Variants in TCF20 observed in about 807,000 individuals in gnomAD.
The protein encoded by TCF20 is transcription factor 20.
Under a neutral mutation model 148.6 loss-of-function variants are expected in TCF20, and 3 were observed. That is an observed-to-expected ratio of 0.02 (90% CI 0.01 to 0.05). The LOEUF is 0.05. TCF20 is among the 10% of genes least tolerant of loss of function. TCF20 has a pLI of 1.00. For missense variants in TCF20, 2,350 were observed against 2,429.3 expected, an observed-to-expected ratio of 0.97 and a Z score of 0.69; for synonymous variants, 1,049 against 909.5, an observed-to-expected ratio of 1.15 and a Z score of -2.76.
At chr22:42,266,369 A>AT (rs1926287531) in intron 1 of TCF20, among the ~76,000 whole-genome samples, 2 of 152,210 alleles carry the variant, frequency 1.3e-5, no homozygotes, top group Admixed American at 1.3e-4. Flanking sequence ...AAATGCCAGC[A>AT]TTTTTTCCTG....
rs531933869 is a variant in TCF20, at chr22:42,221,570, C to T, written c.-36-6229G>A. Among the ~76,000 whole-genome samples the T allele has an allele frequency of 3.3e-5, 5 of 152,124 alleles. 1 individual carries two copies. Among genetic ancestry groups the T allele is most frequent in the Admixed American group, 3.3e-4 (5 of 15,278 alleles). On this transcript the variant is annotated intron_variant, in intron 1 of 5. Coordinates refer to ENST00000677622, the MANE Select transcript of TCF20 (RefSeq NM_001378418.1). ...ACAGGGACTAAAAATCCTCCCTCAA[C>T]AAAACACTTAGAAATGTCAGACAAA...
chr22:42,291,060 C>T (rs1291255234), intron 1 of TCF20, among the ~76,000 whole-genome samples: 2 of 152,200 alleles, frequency 1.3e-5, no homozygotes, highest in Non-Finnish European at 2.9e-5. Flanking sequence ...CTAGGGTCCT[C>T]TCCTCTGGAC....
At chr22:42,222,129 C>CACTT (rs1335719679) in intron 1 of TCF20, among the ~76,000 whole-genome samples, 1 of 152,178 alleles carries the variant, frequency 6.6e-6, no homozygotes, top group Non-Finnish European at 1.5e-5. Flanking sequence ...TGGACAGTGT[C>CACTT]ACTTGTGACT....
At position 42,162,363 on chromosome 22, in the gene TCF20, G is replaced by A. The variant is rs1478708028; in HGVS notation, c.*45-1005C>T. On this transcript the variant is annotated intron_variant, in intron 5 of 5. Transcript: ENST00000677622. Reference sequence around the variant, plus strand: ...GGTTTTCTGAGGCTCAGACAGAGCTGGACTATGTTAATCCTTTCGACCTCT... The same window carrying A: ...GGTTTTCTGAGGCTCAGACAGAGCTAGACTATGTTAATCCTTTCGACCTCT... Among the ~76,000 whole-genome samples, 7 of 152,016 alleles carry A rather than the reference G, an allele frequency of 4.6e-5. No homozygotes were observed. The South Asian group carries it at 1.2e-3, about 27-fold the overall frequency.
At chr22:42,262,197 C>T (rs562026738) in intron 1 of TCF20, among the ~76,000 whole-genome samples, 27 of 152,216 alleles carry the variant, frequency 1.8e-4, no homozygotes, top group Admixed American at 1.2e-3. Flanking sequence ...CAGACACATA[C>T]GACTCTTGGC....
chr22:42,191,890 G>A (rs1442617872), intron 2 of TCF20, among the ~76,000 whole-genome samples: 2 of 152,232 alleles, frequency 1.3e-5, no homozygotes, highest in Non-Finnish European at 1.5e-5. Flanking sequence ...GCAGCCCTGT[G>A]ATGAAGAAAG....
At chr22:42,280,561 G>T (rs1344654382) in intron 1 of TCF20, among the ~76,000 whole-genome samples, 1 of 152,220 alleles carries the variant, frequency 6.6e-6, no homozygotes, top group Admixed American at 6.5e-5. Flanking sequence ...GTGGCTCAGG[G>T]TGGGGAGAGA....
At chr22:42,168,793 C>A in intron 4 of TCF20, 57 bp from the exon 5 acceptor site, 1 of 1,526,032 alleles carries the variant, frequency 6.6e-7, no homozygotes. Flanking sequence ...GTGCAGAAAT[C>A]AGGGAGGGCA....
At chr22:42,286,745 G>A (rs2147022438), upstream of TCF20, among the ~76,000 whole-genome samples, 2 of 152,312 alleles carry the variant, frequency 1.3e-5, 1 homozygote, top group African/African-American at 4.8e-5. Context: ...CTCCTTTGAA[G>A]CAGGGTAACA....
rs1242996958 is a variant in TCF20, at chr22:42,297,138, G to T, written c.-37+46341C>A. Among the ~76,000 whole-genome samples the T allele has an allele frequency of 2.0e-5, 3 of 152,204 alleles. No homozygotes were observed. The highest frequency in any genetic ancestry group is 4.4e-5 in the Non-Finnish European group (3 of 68,030). On this transcript the variant is annotated intron_variant, in intron 1 of 1. Transcript: ENST00000515426. The surrounding 1 kb of genome is among the most constrained non-coding windows in gnomAD (Gnocchi z 4.3). ...CCCCTATGCACTACTGGTTCAGGCA[G>T]GCCTCAGTGCCCATACCCACAATGG...
chr22:42,290,538 C>T lies in TCF20; in HGVS notation c.-37+52941G>A, dbSNP rs929631547. 2.6e-5 allele frequency among the ~76,000 whole-genome samples: 4 copies of T among 152,104 alleles called. No homozygotes were observed. Among genetic ancestry groups the T allele is most frequent in the African/African-American group, 9.7e-5 (4 of 41,410 alleles). On this transcript the variant is annotated intron_variant, in intron 1 of 1. Transcript: ENST00000515426. This position sits in a 1 kb window ranked among gnomAD's most constrained non-coding sequence, Gnocchi z 4.2. ...GCTCCTGACCTTTGCTTAGCACAGG[C>T]AGGGGACCCTCTCCCCACAGTGTGG...
chr22:42,319,820 C>G (rs1927699883), intron 1 of TCF20, among the ~76,000 whole-genome samples: 1 of 152,156 alleles, frequency 6.6e-6, no homozygotes, highest in African/African-American at 2.4e-5. Context: ...GCTAGGAGTC[C>G]TGGGTTTCCC....
chr22:42,206,667 G>A (rs1938408941), intron 2 of TCF20, among the ~76,000 whole-genome samples: 1 of 152,130 alleles, frequency 6.6e-6, no homozygotes, highest in Admixed American at 6.5e-5. Context: ...GTTAATAATG[G>A]AGACAGGGAA....
At position 42,214,441 on chromosome 22, in the gene TCF20, T is replaced by C. The variant is rs766760980; in HGVS notation, c.865A>G (p.Asn289Asp). The part of the protein sequence containing the change: ...SNAQAYGTQS[N>D]YSYQPQSMKN... ...ATAGATTGAGGCTGATAGCTGTAATTGGATTGTGTTCCATAAGCCTGTGCA... is the reference window on the plus strand; with the variant it reads ...ATAGATTGAGGCTGATAGCTGTAATCGGATTGTGTTCCATAAGCCTGTGCA... Residue 289 changes from asparagine (N) to aspartate (D), a missense_variant, in exon 2 of 6, where the codon AAT becomes GAT. Physicochemically the swap from Asn to Asp is conservative, Grantham distance 23 (BLOSUM62 1). This residue lies in a region of TCF20 where 1,641 missense variants were observed against 1,662.6 expected (regional missense o/e 0.99). Transcript: ENST00000677622. 6.2e-7 allele frequency: 1 copy of C among 1,614,094 alleles called. No individual in the cohort carries two copies. Among genetic ancestry groups the C allele is most frequent in the Non-Finnish European group, 8.5e-7 (1 of 1,180,018 alleles).
rs139144545 is a variant in TCF20, at chr22:42,212,018, C to G, written c.3288G>C (p.Glu1096Asp). 6.2e-7 allele frequency: 1 copy of G among 1,614,202 alleles called. No homozygotes were observed. The highest frequency in any genetic ancestry group is 2.2e-5 in the East Asian group (1 of 44,886). The change falls in exon 2 of 6, where the codon GAG becomes GAC. Residue 1096 changes from glutamate (E) to aspartate (D), a missense_variant. Physicochemically the swap from Glu to Asp is conservative, Grantham distance 45. Coordinates refer to ENST00000677622, the MANE Select transcript of TCF20 (RefSeq NM_001378418.1). The part of the protein sequence containing the change: ...KRQMYQQQPE[E>D]YKDWSSGSAQ... ...CAGAACCGCTGCTCCAGTCTTTATA[C>G]TCCTCTGGTTGCTGTTGGTACATCT... is the stretch of plus-strand genomic sequence containing the variant.
intron 1 of TCF20, among the ~76,000 whole-genome samples, chr22:42,250,446 C>CAAAAA (rs35668152): frequency 2.6e-5 from 2 of 76,288 alleles, no homozygotes; most frequent in Non-Finnish European, 2.6e-5. Context: ...AACTCCATCT[C>CAAAAA]AAAAAAAAAA....
At chr22:42,177,992 C>T (rs968564827) in intron 3 of TCF20, among the ~76,000 whole-genome samples, 5 of 151,934 alleles carry the variant, frequency 3.3e-5, no homozygotes, top group African/African-American at 1.2e-4. Context: ...TCTACCCACC[C>T]CACTCCAGGA....
intron 2 of TCF20, among the ~76,000 whole-genome samples, chr22:42,189,785 T>A (rs1937238035): frequency 6.6e-6 from 1 of 152,218 alleles, no homozygotes; most frequent in African/African-American, 2.4e-5. Flanking sequence ...ACTGTTCCAG[T>A]TAGTTTAACT....
intron 1 of TCF20, among the ~76,000 whole-genome samples, chr22:42,261,601 C>T (rs1030993082): frequency 6.6e-6 from 1 of 152,112 alleles, no homozygotes; most frequent in Non-Finnish European, 1.5e-5. Context: ...ATACATTCCT[C>T]CTTGCCCCAT....
Sources: gnomAD v4.1 joint callset for allele counts (sites outside exome capture counted in the v4.1 genomes callset) on GRCh38, gnomAD v4.1.1 for gene constraint, gnomAD v4.1.1 regional missense constraint, Gnocchi (gnomAD v3.1) non-coding constraint, MANE v1.5 for transcripts, NCBI Gene and HGNC (gene_info 2026-07-23, HGNC 2026-07-21) for gene names.